RPSA2: variants seen among roughly 807,000 people sequenced by gnomAD.
RPSA2 encodes the protein ribosomal protein SA 2, also known as small ribosomal subunit protein uS2B.
At chr19:23,845,364 C>T in the RPSA2 span, among the ~76,000 whole-genome samples, 64 of 150,552 alleles carry the variant, frequency 4.3e-4, 1 homozygote, top group Middle Eastern at 0.028. Context: ...AACATGTAAG[C>T]TTTCTACTTT....
the RPSA2 span, among the ~76,000 whole-genome samples, chr19:23,764,465 T>A: frequency 1.3e-5 from 2 of 152,196 alleles, no homozygotes; most frequent in Non-Finnish European, 2.9e-5. Flanking sequence ...TTTTTAAAGA[T>A]TTGTTTTCTG....
the RPSA2 span, among the ~76,000 whole-genome samples, chr19:23,834,389 G>A: frequency 6.4e-4 from 98 of 151,998 alleles, no homozygotes; most frequent in East Asian, 6.6e-3. Flanking sequence ...ATATATGAGA[G>A]ATTCTTGTTT....
At chr19:23,806,907 T>C in the RPSA2 span, among the ~76,000 whole-genome samples, 1 of 152,150 alleles carries the variant, frequency 6.6e-6, no homozygotes, top group African/African-American at 2.4e-5. Flanking sequence ...TCTTGGACTT[T>C]CCATATAACC....
the RPSA2 span, among the ~76,000 whole-genome samples, chr19:23,824,210 A>G: frequency 6.6e-6 from 1 of 152,234 alleles, no homozygotes; most frequent in South Asian, 2.1e-4. Flanking sequence ...TTGCAGCTGC[A>G]TTGGGAGGAA....
chr19:23,800,142 C>T, the RPSA2 span, among the ~76,000 whole-genome samples: 1 of 151,536 alleles, frequency 6.6e-6, no homozygotes, highest in Non-Finnish European at 1.5e-5. Flanking sequence ...GATTCTCCTG[C>T]CTCAGCCTCC....
the RPSA2 span, among the ~76,000 whole-genome samples, chr19:23,767,994 T>C: frequency 6.6e-6 from 1 of 151,982 alleles, no homozygotes; most frequent in Non-Finnish European, 1.5e-5. Flanking sequence ...CTGGAACTCC[T>C]GACCTTATGA....
chr19:23,804,098 T>C, the RPSA2 span, among the ~76,000 whole-genome samples: 5 of 152,318 alleles, frequency 3.3e-5, no homozygotes, highest in African/African-American at 1.2e-4. Context: ...ATTGCATTAG[T>C]ACATGTGTAC....
the RPSA2 span, chr19:23,842,450 A>T: frequency 6.6e-6 from 1 of 152,250 alleles, no homozygotes; most frequent in African/African-American, 2.4e-5. Flanking sequence ...TCTCTTATGT[A>T]AAACAGAGCC....
At chr19:23,870,947 C>A in the RPSA2 span, among the ~76,000 whole-genome samples, 1 of 152,166 alleles carries the variant, frequency 6.6e-6, no homozygotes, top group Non-Finnish European at 1.5e-5. Context: ...AGGGGAGCCA[C>A]TCCCTGGTGC....
chr19:23,832,401 A>C, the RPSA2 span: 2 of 506,388 alleles, frequency 3.9e-6, no homozygotes, highest in Non-Finnish European at 8.1e-6. Context: ...AATGTGAAGA[A>C]TGTGGCAAAG....
At chr19:23,789,021 TTC>T in the RPSA2 span, among the ~76,000 whole-genome samples, 50 of 101,804 alleles carry the variant, frequency 4.9e-4, 6 homozygotes, top group South Asian at 2.3e-3. Flanking sequence ...TTTTCTTTCT[TTC>T]TTTTTTTTTT....
At chr19:23,827,261 A>T in the RPSA2 span, 1 of 760,606 alleles carries the variant, frequency 1.3e-6, no homozygotes, top group South Asian at 1.4e-5. Flanking sequence ...TGACTTCCAG[A>T]TGGAACACTA....
the RPSA2 span, among the ~76,000 whole-genome samples, chr19:23,857,377 T>G: frequency 6.6e-6 from 1 of 152,206 alleles, no homozygotes; most frequent in African/African-American, 2.4e-5. Context: ...TCTTCACAAT[T>G]TATGTTCCTC....
the RPSA2 span, chr19:23,827,672 G>T: frequency 6.3e-7 from 1 of 1,596,626 alleles, no homozygotes; most frequent in Admixed American, 1.7e-5. Flanking sequence ...AGCTCACTCA[G>T]TGGGTTTGAT....
the RPSA2 span, among the ~76,000 whole-genome samples, chr19:23,811,134 T>C: frequency 6.6e-6 from 1 of 151,736 alleles, no homozygotes; most frequent in Non-Finnish European, 1.5e-5. Context: ...TTCTCCTGCC[T>C]CAGCCTCCCG....
the RPSA2 span, among the ~76,000 whole-genome samples, chr19:23,782,687 C>T: frequency 6.6e-6 from 1 of 152,116 alleles, no homozygotes; most frequent in Admixed American, 6.6e-5. Context: ...CTCTTTTCTT[C>T]TGGGGTTTGT....
the RPSA2 span, among the ~76,000 whole-genome samples, chr19:23,810,606 C>T: frequency 6.6e-6 from 1 of 151,988 alleles, no homozygotes; most frequent in Non-Finnish European, 1.5e-5. Flanking sequence ...AGAGAATTTT[C>T]CCAGGTCACT....
At chr19:23,834,191 T>C in the RPSA2 span, among the ~76,000 whole-genome samples, 1 of 152,192 alleles carries the variant, frequency 6.6e-6, no homozygotes. Flanking sequence ...ATTATTTGTA[T>C]ATAACTTTAA....
chr19:23,837,231 T>C, the RPSA2 span, among the ~76,000 whole-genome samples: 1 of 152,172 alleles, frequency 6.6e-6, no homozygotes. Flanking sequence ...TACCGTTTGT[T>C]GAAAAGGGTG....
Sources: gnomAD v4.1 joint callset for allele counts (sites outside exome capture counted in the v4.1 genomes callset) on GRCh38, gnomAD v4.1.1 for gene constraint, MANE v1.5 for transcripts, NCBI Gene and HGNC (gene_info 2026-07-23, HGNC 2026-07-21) for gene names.